The following MEGF11 variants were observed in gnomAD, a reference collection of about 807,000 sequenced individuals.
The protein encoded by MEGF11 is multiple epidermal growth factor-like domains protein 11.
A neutral mutation model predicts 146.6 loss-of-function variants in MEGF11; 126 were observed. The observed-to-expected ratio is 0.86, with a 90% CI of 0.74 to 1.00. The LOEUF (loss-of-function observed/expected upper bound fraction) is 1.00. Among genes scored for constraint, MEGF11 ranks in the 50% least tolerant of loss-of-function variants. The probability of loss-of-function intolerance (pLI) is 0.00; values close to 1 mark genes in which losing one functional copy is unlikely to be tolerated. For synonymous variants in MEGF11, 532 were observed against 583.4 expected (o/e 0.91, Z 1.27); for missense variants, 1,509 against 1,521.2 (o/e 0.99, Z 0.13).
intron 1 of MEGF11, among the ~76,000 whole-genome samples, chr15:66,145,047 A>G (rs1597119896): frequency 6.6e-6 from 1 of 152,330 alleles, no homozygotes; most frequent in South Asian, 2.1e-4. Context: ...GCCCTGCTGT[A>G]GAATACCTGC....
chr15:66,172,750 G>C (rs1375140304), intron 1 of MEGF11, among the ~76,000 whole-genome samples: 2 of 152,162 alleles, frequency 1.3e-5, no homozygotes, highest in Non-Finnish European at 2.9e-5. Flanking sequence ...TGTGCCATCT[G>C]TCTCCTACTG....
chr15:66,244,095 T>A (rs2092258591), intron 1 of MEGF11, among the ~76,000 whole-genome samples: 1 of 152,196 alleles, frequency 6.6e-6, no homozygotes, highest in African/African-American at 2.4e-5. Context: ...AAAGTTGTTG[T>A]AAGACACAGT....
At chr15:66,001,343 A>G (rs2082361333) in intron 5 of MEGF11, among the ~76,000 whole-genome samples, 1 of 152,150 alleles carries the variant, frequency 6.6e-6, no homozygotes, top group Non-Finnish European at 1.5e-5. Context: ...GAGGAATAAG[A>G]GGCACTTAGA....
intron 4 of MEGF11, among the ~76,000 whole-genome samples, chr15:66,095,833 G>A (rs1260710195): frequency 1.3e-5 from 2 of 152,208 alleles, no homozygotes; most frequent in African/African-American, 4.8e-5. Flanking sequence ...GGGGAGGGTT[G>A]TGGTGCTTCC....
intron 10 of MEGF11, among the ~76,000 whole-genome samples, chr15:65,949,472 A>T (rs1185174869): frequency 6.6e-6 from 1 of 152,260 alleles, no homozygotes; most frequent in East Asian, 1.9e-4. Flanking sequence ...ATAATGGCAG[A>T]CAGGGCTTCA....
intron 1 of MEGF11, among the ~76,000 whole-genome samples, chr15:66,195,952 T>C (rs1304612652): frequency 6.6e-6 from 1 of 152,154 alleles, no homozygotes; most frequent in Non-Finnish European, 1.5e-5. Context: ...GCGGTGTCTG[T>C]ACAAGCTGTG....
chr15:65,983,594 C>T (rs1348458463), intron 5 of MEGF11, among the ~76,000 whole-genome samples: 1 of 152,218 alleles, frequency 6.6e-6, no homozygotes, highest in Admixed American at 6.5e-5. Flanking sequence ...CAGAAGCCAT[C>T]TCAAGTGGGC....
intron 10 of MEGF11, among the ~76,000 whole-genome samples, chr15:65,956,692 G>A (rs959426397): frequency 6.6e-6 from 1 of 152,212 alleles, no homozygotes; most frequent in African/African-American, 2.4e-5. Context: ...CACTTCCAAT[G>A]TCAAGTTCCC....
intron 5 of MEGF11, among the ~76,000 whole-genome samples, chr15:66,021,353 C>T (rs1333411389): frequency 6.6e-6 from 1 of 152,218 alleles, no homozygotes; most frequent in Non-Finnish European, 1.5e-5. Flanking sequence ...GAATTCAAAC[C>T]CAGCCCTAGT....
chr15:65,968,092 GGGAAAGAGAGCA>G (rs72465999), intron 8 of MEGF11, among the ~76,000 whole-genome samples: 23,019 of 151,962 alleles, frequency 0.15, 2,440 homozygotes, highest in East Asian at 0.6. Flanking sequence ...GCCTCATGAA[GGGAAAGAGAGCA>G]GAAAAGAGAG....
chr15:66,122,986 T>C (rs576669800), intron 3 of MEGF11, among the ~76,000 whole-genome samples: 1 of 152,208 alleles, frequency 6.6e-6, no homozygotes, highest in East Asian at 1.9e-4. Context: ...GGTTTCACTG[T>C]GTTAGCCAGG....
Position 65,982,588 on chromosome 15 carries a change from G to T in MEGF11, c.395-100C>A, listed in dbSNP as rs2081694475. ...CATGCGGCCTTCCCATCTTTGCAGC[G>T]CTGCTCCCCGGACAGGTGGCAGCAA... is the stretch of plus-strand genomic sequence containing the variant. On this transcript the variant is annotated intron_variant, in intron 5 of 25. Transcript: ENST00000395614. This position sits in a 1 kb window ranked among gnomAD's most constrained non-coding sequence, Gnocchi z 5.6. 1 of 1,351,344 alleles carries T rather than the reference G, an allele frequency of 7.4e-7. No individual in the cohort carries two copies. The highest frequency in any genetic ancestry group is 9.6e-7 in the Non-Finnish European group (1 of 1,039,734). 83.7% of individuals were successfully genotyped at this position (1,351,344 alleles called of 1,614,324 possible). A position where few individuals can be genotyped will look rare whatever the true frequency, so the allele number is the denominator to read the frequency against.
intron 5 of MEGF11, among the ~76,000 whole-genome samples, chr15:66,071,722 G>A (rs920934735): frequency 1.3e-5 from 2 of 152,120 alleles, no homozygotes; most frequent in African/African-American, 4.8e-5. Context: ...TTTGGCAGCA[G>A]CAACAATAAG....
chr15:66,043,297 A>G (rs901184772), intron 5 of MEGF11, among the ~76,000 whole-genome samples: 4 of 152,168 alleles, frequency 2.6e-5, no homozygotes, highest in Admixed American at 2.0e-4. Context: ...CACAGGGCTG[A>G]CCAGCTCTGT....
intron 5 of MEGF11, among the ~76,000 whole-genome samples, chr15:66,081,228 C>T (rs562738246): frequency 5.4e-4 from 82 of 152,150 alleles, no homozygotes; most frequent in Non-Finnish European, 8.1e-4. Context: ...TGGCCATGAG[C>T]GGGGTGGCAG....
chr15:66,061,853 TA>T (rs1344798157), intron 5 of MEGF11, among the ~76,000 whole-genome samples: 1 of 152,198 alleles, frequency 6.6e-6, no homozygotes, highest in Non-Finnish European at 1.5e-5. Flanking sequence ...CCCAGGTTGA[TA>T]ATCAAACTCC....
At chr15:66,045,109 A>C (rs1300945083) in intron 5 of MEGF11, among the ~76,000 whole-genome samples, 3 of 152,208 alleles carry the variant, frequency 2.0e-5, no homozygotes, top group Non-Finnish European at 4.4e-5. Flanking sequence ...AATAACAAAA[A>C]TGTATATATC....
chr15:65,976,295 C>T (rs959019551), intron 7 of MEGF11, among the ~76,000 whole-genome samples: 1 of 152,174 alleles, frequency 6.6e-6, no homozygotes, highest in Non-Finnish European at 1.5e-5. Context: ...CCCGCCTCGG[C>T]CTCCCAAAGT....
intron 10 of MEGF11, among the ~76,000 whole-genome samples, chr15:65,944,030 A>G (rs1216794293): frequency 1.3e-5 from 2 of 152,220 alleles, no homozygotes; most frequent in Non-Finnish European, 2.9e-5. Context: ...CTAGGGTCCA[A>G]GTAAAATGCG....
Sources: gnomAD v4.1 joint callset for allele counts (sites outside exome capture counted in the v4.1 genomes callset) on GRCh38, gnomAD v4.1.1 for gene constraint, Gnocchi (gnomAD v3.1) non-coding constraint, MANE v1.5 for transcripts, NCBI Gene and HGNC (gene_info 2026-07-23, HGNC 2026-07-21) for gene names.